OSBPL10: variants seen among roughly 807,000 people sequenced by gnomAD.
OSBPL10 encodes oxysterol binding protein like 10.
In OSBPL10, 49 loss-of-function variants were observed where a neutral mutation model predicts 81.7. The ratio of observed to expected loss-of-function variants is 0.60; its 90% CI spans 0.48 to 0.76. The LOEUF (loss-of-function observed/expected upper bound fraction) is 0.76, where lower values mean the gene tolerates loss of function less well. Ranked by LOEUF, OSBPL10 falls within the 30% of genes least tolerant of loss-of-function variation. The pLI, the probability that OSBPL10 is intolerant of heterozygous loss-of-function variation, is 0.00. For synonymous variants in OSBPL10, 419 were observed against 383.6 expected, an observed-to-expected ratio of 1.09 and a Z score of -1.08; for missense variants, 923 against 987.8, an observed-to-expected ratio of 0.93 and a Z score of 0.88.
In OSBPL10 at chr3:32,062,595, T is replaced by C. The variant is rs1376304904; in HGVS notation, n.185+14801A>G. 2.1e-5 allele frequency among the ~76,000 whole-genome samples: 2 copies of C among 94,664 alleles called. 1 individual carries two copies. Among genetic ancestry groups the C allele is most frequent in the Non-Finnish European group, 5.7e-5 (2 of 35,108 alleles). The allele number at this position is 94,664 out of a possible 152,430, so 62.1% of individuals were successfully genotyped here. On this transcript the variant is annotated intron_variant and non_coding_transcript_variant, in intron 1 of 3. Coordinates refer to the OSBPL10 transcript ENST00000479173. ...GTCCAGACAAAACTCTGAGCGCAGA[T>C]AGGGAAACTTGCCTAAGGATACAGA...
Position 31,684,038 on chromosome 3 carries a change from A to T in OSBPL10, c.1322T>A (p.Leu441Gln). 6.2e-7 allele frequency: 1 copy of T among 1,614,234 alleles called. No homozygotes were observed. Among genetic ancestry groups the T allele is most frequent in the Non-Finnish European group, 8.5e-7 (1 of 1,180,040 alleles). The change falls in exon 8 of 12, where the codon CTA (leucine) becomes CAA (glutamine). Residue 441 changes from leucine (L) to glutamine (Q), a missense_variant. Leu to Gln is a moderately radical substitution (Grantham distance 113). Around this residue, in one of 3 missense-constraint regions of OSBPL10, gnomAD observed 387 missense variants for 436.3 expected, o/e 0.89. Coordinates refer to ENST00000396556, the MANE Select transcript of OSBPL10 (RefSeq NM_017784.5). ...MYADFMAHPD[L>Q]LLAITAGATP... ...GGCCCCAGCGGTGATGGCCAGCAGT[A>T]GGTCTGGGTGCGCCATGAAATCTGC...
At chr3:31,663,914 C>T (rs1166332363) in intron 11 of OSBPL10, 165 bp downstream of exon 11, 2 of 1,525,602 alleles carry the variant, frequency 1.3e-6, no homozygotes, top group Non-Finnish European at 1.8e-6. Flanking sequence ...GAAAACCTGT[C>T]CTGAAGCCTT....
At chr3:31,959,763 T>C (rs1000926729) in intron 1 of OSBPL10, among the ~76,000 whole-genome samples, 1 of 152,188 alleles carries the variant, frequency 6.6e-6, no homozygotes, top group African/African-American at 2.4e-5. Flanking sequence ...ATGTCATCTA[T>C]TTGAGGCAGT....
At chr3:31,793,349 C>T (rs1699082305) in intron 4 of OSBPL10, among the ~76,000 whole-genome samples, 1 of 152,176 alleles carries the variant, frequency 6.6e-6, no homozygotes, top group African/African-American at 2.4e-5. Flanking sequence ...ATCAAGCACC[C>T]GTTTGTATGA....
chr3:31,913,526 G>A (rs958141597), intron 1 of OSBPL10, among the ~76,000 whole-genome samples: 3 of 152,194 alleles, frequency 2.0e-5, no homozygotes, highest in African/African-American at 7.2e-5. Flanking sequence ...GGGATTACAG[G>A]CGTGAGCCAC....
At chr3:31,687,426 C>T (rs975936080) in intron 7 of OSBPL10, among the ~76,000 whole-genome samples, 3 of 151,860 alleles carry the variant, frequency 2.0e-5, no homozygotes, top group Admixed American at 1.3e-4. Flanking sequence ...AGATATTTCC[C>T]CTAATTTAGT....
At chr3:31,892,785 G>A (rs951089392) in intron 1 of OSBPL10, among the ~76,000 whole-genome samples, 2 of 152,136 alleles carry the variant, frequency 1.3e-5, no homozygotes, top group Non-Finnish European at 2.9e-5. Context: ...GCAATTGCAG[G>A]CAGATGCAGT....
At chr3:31,665,159 T>C (rs1700159331) in intron 10 of OSBPL10, among the ~76,000 whole-genome samples, 1 of 152,162 alleles carries the variant, frequency 6.6e-6, no homozygotes, top group Non-Finnish European at 1.5e-5. Flanking sequence ...CACACAGCTT[T>C]CCTCCTCAGG....
chr3:31,672,627 C>T (rs1158295630), intron 8 of OSBPL10, among the ~76,000 whole-genome samples: 3 of 152,118 alleles, frequency 2.0e-5, no homozygotes, highest in Non-Finnish European at 2.9e-5. Flanking sequence ...ATTGCCCATG[C>T]ACTATGGTAT....
chr3:31,730,799 T>G (rs1384443767), intron 6 of OSBPL10, among the ~76,000 whole-genome samples: 1 of 152,204 alleles, frequency 6.6e-6, no homozygotes, highest in Non-Finnish European at 1.5e-5. Context: ...GGAGCTACCT[T>G]TGGTACCCCA....
At chr3:31,750,167 G>T (rs1697667869) in intron 4 of OSBPL10, among the ~76,000 whole-genome samples, 2 of 151,948 alleles carry the variant, frequency 1.3e-5, no homozygotes, top group African/African-American at 4.8e-5. Flanking sequence ...GGGCGACAGA[G>T]CAAGACTCAG....
intron 6 of OSBPL10, among the ~76,000 whole-genome samples, chr3:31,706,637 T>A (rs2125603692): frequency 6.6e-6 from 1 of 152,198 alleles, no homozygotes; most frequent in Middle Eastern, 3.4e-3. Flanking sequence ...GGTCCAACAG[T>A]CTTCTCAATG....
At chr3:31,797,009 TTTTTG>T (rs1433714163) in intron 4 of OSBPL10, among the ~76,000 whole-genome samples, 1,754 of 148,578 alleles carry the variant, frequency 0.012, 34 homozygotes, top group African/African-American at 0.041. Flanking sequence ...TTTTTTTTTT[TTTTTG>T]AGACAGAGGC....
At chr3:31,985,437 A>G (rs1210729166), upstream of OSBPL10, among the ~76,000 whole-genome samples, 1 of 152,200 alleles carries the variant, frequency 6.6e-6, no homozygotes, top group Admixed American at 6.5e-5. Context: ...CAATAAGATA[A>G]ACACATTATA....
At chr3:31,824,592 C>T (rs775782771) in intron 4 of OSBPL10, among the ~76,000 whole-genome samples, 4 of 152,142 alleles carry the variant, frequency 2.6e-5, no homozygotes, top group Non-Finnish European at 5.9e-5. Flanking sequence ...CAAGTTGATG[C>T]CTTGGACTAG....
intron 1 of OSBPL10, among the ~76,000 whole-genome samples, chr3:31,969,930 G>T (rs1389920499): frequency 1.3e-5 from 2 of 151,964 alleles, no homozygotes; most frequent in Admixed American, 6.6e-5. Flanking sequence ...GAGTATGCGG[G>T]GGTGGGGGGC....
chr3:31,999,956 A>G (rs915896501), intron 2 of OSBPL10, among the ~76,000 whole-genome samples: 5 of 152,138 alleles, frequency 3.3e-5, no homozygotes, highest in Non-Finnish European at 7.3e-5. Flanking sequence ...CTCTTCTAAA[A>G]CTAATTCCCT....
chr3:31,771,423 C>A (rs1245993034), intron 4 of OSBPL10, among the ~76,000 whole-genome samples: 2 of 152,074 alleles, frequency 1.3e-5, no homozygotes, highest in Non-Finnish European at 2.9e-5. Flanking sequence ...GTCACAAACA[C>A]CCACCAAGAG....
At chr3:31,858,391 T>C (rs538887738) in intron 3 of OSBPL10, among the ~76,000 whole-genome samples, 2 of 152,326 alleles carry the variant, frequency 1.3e-5, no homozygotes, top group East Asian at 3.9e-4. Flanking sequence ...ATACCCCATT[T>C]CATTTCACAA....
Sources: allele counts gnomAD v4.1 joint callset (sites outside exome capture counted in the v4.1 genomes callset), GRCh38; gene constraint gnomAD v4.1.1; regional missense constraint gnomAD v4.1.1; transcripts MANE v1.5; gene names NCBI Gene and HGNC (gene_info 2026-07-23, HGNC 2026-07-21).